GLRA3: variants seen among roughly 807,000 people sequenced by gnomAD.
GLRA3 encodes glycine receptor subunit alpha-3.
Under a neutral mutation model 60.4 loss-of-function variants are expected in GLRA3, and 44 were observed. That is an observed-to-expected ratio of 0.73 (90% CI 0.57 to 0.94). The LOEUF is 0.94. Among genes scored for constraint, GLRA3 ranks in the 40% least tolerant of loss-of-function variants. The probability of loss-of-function intolerance (pLI) is 0.00; values close to 1 mark genes in which losing one functional copy is unlikely to be tolerated. For synonymous variants in GLRA3, 223 were observed against 192.9 expected (o/e 1.16, Z -1.29); for missense variants, 508 against 564.6 (o/e 0.90, Z 1.02).
At chr4:174,660,058 GTATA>G (rs1240746531) in intron 7 of GLRA3, among the ~76,000 whole-genome samples, 1 of 150,396 alleles carries the variant, frequency 6.6e-6, no homozygotes, top group Non-Finnish European at 1.5e-5. Flanking sequence ...GTATGTGTGT[GTATA>G]TATATATACA....
Position 174,689,398 on chromosome 4 carries a change from C to T in GLRA3, c.575-6459G>A, listed in dbSNP as rs76190795. The stretch of plus-strand genomic sequence containing the variant: ...GATGTAGATATAATCTTGAGAGATG[C>T]GGAAAAAGCCTCTGAAGCCTGACTT... On this transcript the variant is annotated intron_variant, in intron 5 of 9. Coordinates refer to ENST00000274093, the MANE Select transcript of GLRA3 (RefSeq NM_006529.4). 1.2e-4 allele frequency among the ~76,000 whole-genome samples: 19 copies of T among 152,126 alleles called. No homozygotes were observed. The East Asian group carries it at 2.5e-3, about 20-fold the overall frequency.
chr4:174,761,508 C>G (rs570927355), intron 3 of GLRA3, among the ~76,000 whole-genome samples: 1 of 152,214 alleles, frequency 6.6e-6, no homozygotes, highest in Admixed American at 6.5e-5. Flanking sequence ...CAAAATGTCT[C>G]ATCTTTTTTG....
chr4:174,653,148 AT>A (rs1733081484), intron 9 of GLRA3, among the ~76,000 whole-genome samples: 1 of 152,056 alleles, frequency 6.6e-6, no homozygotes, highest in Non-Finnish European at 1.5e-5. Context: ...GGAAAATTAA[AT>A]TGTTATTAAT....
At chr4:174,688,318 CATATAT>C (rs553159490) in intron 5 of GLRA3, among the ~76,000 whole-genome samples, 1,933 of 34,030 alleles carry the variant, frequency 0.057, 51 homozygotes, top group Admixed American at 0.086. Flanking sequence ...TACCTGACAT[CATATAT>C]ATATATATAT....
At chr4:174,733,194 T>G (rs912670421) in intron 3 of GLRA3, among the ~76,000 whole-genome samples, 1 of 152,098 alleles carries the variant, frequency 6.6e-6, no homozygotes, top group African/African-American at 2.4e-5. Context: ...GTGGGCAGCC[T>G]CTAGAAGCTG....
At chr4:174,797,895 T>A (rs1323802525) in intron 1 of GLRA3, among the ~76,000 whole-genome samples, 1 of 151,242 alleles carries the variant, frequency 6.6e-6, no homozygotes, top group Non-Finnish European at 1.5e-5. Flanking sequence ...CTGCACTCCA[T>A]CTTGGGCAAC....
chr4:174,651,450 TTGC>T (rs1397370026), intron 9 of GLRA3, among the ~76,000 whole-genome samples: 1 of 152,170 alleles, frequency 6.6e-6, no homozygotes, highest in Non-Finnish European at 1.5e-5. Context: ...AGCACTCAAA[TTGC>T]TGCTATTATA....
intron 9 of GLRA3, among the ~76,000 whole-genome samples, chr4:174,646,101 G>A (rs1015050945): frequency 7.9e-5 from 12 of 152,318 alleles, no homozygotes; most frequent in Non-Finnish European, 1.3e-4. Context: ...TTCTCAGTGA[G>A]CATTTCCAAT....
chr4:174,798,707 G>A (rs868858990), intron 1 of GLRA3, among the ~76,000 whole-genome samples: 18 of 152,192 alleles, frequency 1.2e-4, no homozygotes, highest in East Asian at 3.9e-4. Flanking sequence ...GGCGGATCAC[G>A]AGGTCAGTAG....
chr4:174,708,481 C>G (rs1735593217), intron 5 of GLRA3, among the ~76,000 whole-genome samples: 1 of 151,220 alleles, frequency 6.6e-6, no homozygotes, highest in Non-Finnish European at 1.5e-5. Flanking sequence ...CAAGTTGGCC[C>G]TTAACAATTA....
At chr4:174,726,347 T>C (rs1452840778) in intron 4 of GLRA3, among the ~76,000 whole-genome samples, 1 of 152,206 alleles carries the variant, frequency 6.6e-6, no homozygotes, top group Non-Finnish European at 1.5e-5. Flanking sequence ...TTAGGTGTGA[T>C]GGTACCTCAA....
intron 3 of GLRA3, among the ~76,000 whole-genome samples, chr4:174,751,612 G>A (rs556933298): frequency 5.9e-5 from 9 of 152,142 alleles, no homozygotes; most frequent in African/African-American, 1.4e-4. Flanking sequence ...TCCCTTCCTC[G>A]TCAGAATACC....
intron 6 of GLRA3, 53 bp from the exon 7 acceptor site, chr4:174,677,345 G>A (rs564086334): frequency 2.4e-5 from 24 of 997,316 alleles, no homozygotes; most frequent in South Asian, 2.7e-5. Flanking sequence ...TCTTTGTTAC[G>A]GCATCAAATA....
At chr4:174,794,559 C>T (rs1286188540) in intron 1 of GLRA3, among the ~76,000 whole-genome samples, 2 of 152,048 alleles carry the variant, frequency 1.3e-5, no homozygotes, top group East Asian at 3.9e-4. Flanking sequence ...TATTTCAAAC[C>T]CTATTAACAA....
At chr4:174,662,832 TTTTTC>T (rs1021371466) in intron 7 of GLRA3, among the ~76,000 whole-genome samples, 19 of 134,052 alleles carry the variant, frequency 1.4e-4, no homozygotes, top group Admixed American at 1.1e-3. Flanking sequence ...TGTTTTTTTT[TTTTTC>T]TTTTTTTTTT....
At position 174,642,325 on chromosome 4, in the gene GLRA3, T is replaced by C; in HGVS notation, c.*1461A>G. The C allele has an allele frequency of 1.1e-6, 1 of 931,050 alleles. No individual in the cohort carries two copies. Among genetic ancestry groups the C allele is most frequent in the Non-Finnish European group, 1.2e-6 (1 of 810,006 alleles). The allele number at this position is 931,050 out of a possible 1,614,324, so 57.7% of individuals were successfully genotyped here. On this transcript the variant is annotated 3_prime_UTR_variant, in exon 10 of 10. Coordinates refer to ENST00000274093, the MANE Select transcript of GLRA3 (RefSeq NM_006529.4). Reference sequence around the variant, plus strand: ...TTTTCTATTGTACATCTGAGTTCATTGTTTTCTTAATCTTTAAAGTTTTCT... The same window carrying C: ...TTTTCTATTGTACATCTGAGTTCATCGTTTTCTTAATCTTTAAAGTTTTCT...
At chr4:174,724,700 G>A (rs1736254682) in intron 4 of GLRA3, among the ~76,000 whole-genome samples, 1 of 151,764 alleles carries the variant, frequency 6.6e-6, no homozygotes, top group East Asian at 1.9e-4. Context: ...TACTTTCCAG[G>A]CAGATTTACT....
chr4:174,644,087 G>A, intron 9 of GLRA3, 23 bp from the exon 10 acceptor site: 2 of 1,464,972 alleles, frequency 1.4e-6, no homozygotes, highest in South Asian at 1.2e-5. Flanking sequence ...AATGTGACAA[G>A]GCCCTTTAAT....
In GLRA3 at chr4:174,814,044, C is replaced by T. The variant is rs73008385; in HGVS notation, c.71+14697G>A. 3.6e-3 allele frequency among the ~76,000 whole-genome samples: 538 copies of T among 151,356 alleles called. 2 individuals are homozygous for T. The highest frequency in any genetic ancestry group is 0.012 in the African/African-American group (515 of 41,408). On this transcript the variant is annotated intron_variant, in intron 1 of 9. Transcript: ENST00000274093. ...CTGGCAGGAGTAGAACTCTGTGTGG[C>T]TCTGCAGCAGCATCAAGGGGGGGTA...
Sources: allele counts gnomAD v4.1 joint callset (sites outside exome capture counted in the v4.1 genomes callset), GRCh38; gene constraint gnomAD v4.1.1; transcripts MANE v1.5; gene names NCBI Gene and HGNC (gene_info 2026-07-23, HGNC 2026-07-21).